The following UBR3 variants were observed in gnomAD, a reference collection of about 807,000 sequenced individuals.
UBR3 encodes E3 ubiquitin-protein ligase UBR3.
A neutral mutation model predicts 243.2 loss-of-function variants in UBR3; 85 were observed. The ratio of observed to expected loss-of-function variants is 0.35; its 90% confidence interval spans 0.29 to 0.42. The LOEUF is 0.42. Among genes scored for constraint, UBR3 ranks in the 10% least tolerant of loss-of-function variants. UBR3 has a pLI of 1.00. For synonymous variants in UBR3, 748 were observed against 799.8 expected (o/e 0.94, Z 1.09); for missense variants, 1,686 against 2,300.8 (o/e 0.73, Z 5.47).
chr2:169,859,629 C>T (rs1055875399), intron 1 of UBR3, among the ~76,000 whole-genome samples: 1 of 151,996 alleles, frequency 6.6e-6, no homozygotes, highest in African/African-American at 2.4e-5. Context: ...TCATTAAATT[C>T]ACTGATCTGT....
chr2:170,012,868 G>A (rs2090126140), intron 29 of UBR3, among the ~76,000 whole-genome samples: 1 of 152,092 alleles, frequency 6.6e-6, no homozygotes, highest in Non-Finnish European at 1.5e-5. Flanking sequence ...AGAAGTTAGT[G>A]TTGAATGGGG....
chr2:170,053,413 G>C (rs1393511916), intron 32 of UBR3, among the ~76,000 whole-genome samples: 1 of 152,192 alleles, frequency 6.6e-6, no homozygotes, highest in African/African-American at 2.4e-5. Flanking sequence ...GTTGCTGGGG[G>C]AGTTTAGCAC....
intron 3 of UBR3, among the ~76,000 whole-genome samples, chr2:169,876,859 C>T (rs1007535804): frequency 3.9e-5 from 6 of 152,156 alleles, no homozygotes; most frequent in Non-Finnish European, 7.4e-5. Flanking sequence ...CCACCACGCC[C>T]GGCCCTACGT....
chr2:169,839,612 A>G (rs187007132), intron 1 of UBR3, among the ~76,000 whole-genome samples: 253 of 152,356 alleles, frequency 1.7e-3, no homozygotes, highest in African/African-American at 5.8e-3. Context: ...ATATGAATGT[A>G]TTACATTATT....
chr2:169,929,100 A>G (rs543286473), intron 18 of UBR3, among the ~76,000 whole-genome samples: 1 of 152,344 alleles, frequency 6.6e-6, no homozygotes, highest in East Asian at 1.9e-4. Context: ...TAAACTATAA[A>G]GGAAATTTAT....
chr2:169,943,260 G>A (rs2086659345), intron 20 of UBR3, among the ~76,000 whole-genome samples: 1 of 152,132 alleles, frequency 6.6e-6, no homozygotes, highest in Admixed American at 6.5e-5. Flanking sequence ...ATATTGTATA[G>A]TATGTATGTG....
intron 24 of UBR3, among the ~76,000 whole-genome samples, chr2:169,978,427 T>A (rs2105381988): frequency 6.6e-6 from 1 of 152,154 alleles, no homozygotes; most frequent in Non-Finnish European, 1.5e-5. Context: ...TTCTAGCAGC[T>A]TGGATTCAGG....
intron 1 of UBR3, among the ~76,000 whole-genome samples, chr2:169,842,489 T>C (rs916473532): frequency 1.3e-5 from 2 of 152,120 alleles, no homozygotes; most frequent in Non-Finnish European, 2.9e-5. Flanking sequence ...CTTTGTTCTT[T>C]CACTCTTTGC....
chr2:170,080,143 T>C (rs1283313423), intron 37 of UBR3, 120 bp downstream of exon 37: 15 of 938,894 alleles, frequency 1.6e-5, no homozygotes, highest in Non-Finnish European at 2.2e-5. Context: ...CATATAGGGA[T>C]TGTGTGTGTT....
At chr2:169,862,342 T>G (rs572042102) in intron 1 of UBR3, among the ~76,000 whole-genome samples, 6 of 152,324 alleles carry the variant, frequency 3.9e-5, no homozygotes, top group Non-Finnish European at 8.8e-5. Context: ...AGCTGTACTT[T>G]AGTCCTTCCT....
intron 1 of UBR3, among the ~76,000 whole-genome samples, chr2:169,850,856 A>G: frequency 6.6e-6 from 1 of 152,132 alleles, no homozygotes. Context: ...AAAAAAAAAA[A>G]AGTTGAATTT....
At chr2:169,893,517 TTG>T (rs1181615089) in intron 6 of UBR3, among the ~76,000 whole-genome samples, 1 of 152,208 alleles carries the variant, frequency 6.6e-6, no homozygotes, top group Admixed American at 6.5e-5. Context: ...GTTAAGTGAA[TTG>T]TGAGAATTAA....
At position 169,874,679 on chromosome 2, in the gene UBR3, AC is replaced by A. The variant is rs558705810; in HGVS notation, c.686-1111del. On this transcript the variant is annotated intron_variant, in intron 2 of 38. Coordinates refer to ENST00000272793, the MANE Select transcript of UBR3 (RefSeq NM_172070.4). ...AAAACCAAGAGCAAACATTAATTAA[AC>A]ATCTACTATATTACTATATAAGTCA... Among the ~76,000 whole-genome samples the A allele has an allele frequency of 9.7e-3, 1,482 of 152,326 alleles. 8 individuals are homozygous for A. The highest frequency in any genetic ancestry group is 0.015 in the Non-Finnish European group (1,045 of 68,012).
chr2:169,890,567 G>GTATATATATATATGTATATATATATGTA (rs1559064278), intron 5 of UBR3, among the ~76,000 whole-genome samples: 1,149 of 58,982 alleles, frequency 0.019, 40 homozygotes, highest in East Asian at 0.036. Flanking sequence ...ATATATATGT[G>GTATATATATATATGTATATATATATGTA]TATATATATA....
chr2:169,850,325 C>T (rs1052354756), intron 1 of UBR3, among the ~76,000 whole-genome samples: 1 of 152,050 alleles, frequency 6.6e-6, no homozygotes, highest in African/African-American at 2.4e-5. Flanking sequence ...ACTAGAGGCA[C>T]ACGCCACCAT....
intron 1 of UBR3, among the ~76,000 whole-genome samples, chr2:169,830,238 C>G (rs943371165): frequency 6.6e-6 from 1 of 151,956 alleles, no homozygotes; most frequent in African/African-American, 2.4e-5. Context: ...TGTCTTTTCC[C>G]CACCTGGTCA....
Position 169,905,313 on chromosome 2 carries a change from G to GTT in UBR3, c.1645+21_1645+22dup. On this transcript the variant is annotated intron_variant, in intron 9 of 38. Coordinates refer to ENST00000272793, the MANE Select transcript of UBR3 (RefSeq NM_172070.4). ...TTCAAGGTATGAATTTTATCCCTTTGTTAATTTTTTGGTTTACAAAATTCC... is the reference window on the plus strand; with the variant it reads ...TTCAAGGTATGAATTTTATCCCTTTGTTTTAATTTTTTGGTTTACAAAATTCC... 1 of 1,439,990 alleles carries GTT rather than the reference G, an allele frequency of 6.9e-7. No individual in the cohort carries two copies. The highest frequency in any genetic ancestry group is 1.6e-5 in the South Asian group (1 of 62,368). The allele number at this position is 1,439,990 out of a possible 1,614,324, so 89.2% of individuals were successfully genotyped here.
At chr2:169,935,150 T>C (rs1409743605) in intron 19 of UBR3, among the ~76,000 whole-genome samples, 1 of 152,176 alleles carries the variant, frequency 6.6e-6, no homozygotes, top group Non-Finnish European at 1.5e-5. Flanking sequence ...AAAAGCTCAG[T>C]GAAAATATGT....
In UBR3 at chr2:169,986,673, G is replaced by A. The variant is rs2089018302; in HGVS notation, c.3663G>A (p.Glu1221=). 1.2e-6 allele frequency: 2 copies of A among 1,613,488 alleles called. No homozygotes were observed. Among genetic ancestry groups the A allele is most frequent in the African/African-American group, 1.3e-5 (1 of 74,992 alleles). Residue 1221 remains glutamate, a synonymous_variant, in exon 25 of 39, where the codon GAG becomes GAA. Transcript: ENST00000272793. ...CTCCTGAGAATGATATTCCTATGGA[G>A]ATCACCACGGCAGAACCACAGGTTT... is the stretch of plus-strand genomic sequence containing the variant. ...VDSPENDIPM[E]ITTAEPQVSE...
Sources: gnomAD v4.1 joint callset for allele counts (sites outside exome capture counted in the v4.1 genomes callset) on GRCh38, gnomAD v4.1.1 for gene constraint, MANE v1.5 for transcripts, NCBI Gene and HGNC (gene_info 2026-07-23, HGNC 2026-07-21) for gene names.